The following STX8 variants were observed in gnomAD, a reference collection of about 807,000 sequenced individuals.
STX8 encodes the protein syntaxin 8.
A neutral mutation model predicts 37.5 loss-of-function variants in STX8; 23 were observed. The ratio of observed to expected loss-of-function variants is 0.61; its 90% CI spans 0.44 to 0.87. STX8 has a LOEUF of 0.87. Ranked by LOEUF, STX8 falls within the 40% of genes least tolerant of loss-of-function variation. STX8 has a pLI of 0.00. For missense variants in STX8, 313 were observed against 284.7 expected (o/e 1.10, Z -0.71); for synonymous variants, 115 against 99.1 (o/e 1.16, Z -0.95).
rs1567557366 is a variant in STX8 at position 9,430,089 on chromosome 17, CTATATAATATATATATTT to C, written c.542-51454_542-51437del. 3.9e-4 allele frequency among the ~76,000 whole-genome samples: 17 copies of C among 43,164 alleles called. No individual in the cohort carries two copies. In the Admixed American group the frequency reaches 5.4e-3, roughly 14 times the overall value. The allele number at this position is 43,164 out of a possible 152,430, so 28.3% of individuals were successfully genotyped here. A position where few individuals can be genotyped will look rare whatever the true frequency, so the allele number is the denominator to read the frequency against. ...ATATATTCTATATAATATATATATT[CTATATAATATATATATTT>C]TATATATAAATAAATATAAATATAA... On this transcript the variant is annotated intron_variant, in intron 6 of 7. Coordinates refer to ENST00000306357, the MANE Select transcript of STX8 (RefSeq NM_004853.3).
intron 7 of STX8, among the ~76,000 whole-genome samples, chr17:9,328,343 C>T (rs1230011298): frequency 6.6e-6 from 1 of 152,044 alleles, no homozygotes; most frequent in Non-Finnish European, 1.5e-5. Context: ...AAAAGAAGAG[C>T]AGGAGAGGGT....
At chr17:9,454,524 C>G (rs1304308651) in intron 6 of STX8, among the ~76,000 whole-genome samples, 1 of 151,638 alleles carries the variant, frequency 6.6e-6, no homozygotes, top group Admixed American at 6.6e-5. Flanking sequence ...TAAAAAAATA[C>G]AAAAAATTAG....
chr17:9,558,132 G>C (rs926871882), intron 2 of STX8, among the ~76,000 whole-genome samples: 2 of 152,138 alleles, frequency 1.3e-5, no homozygotes, highest in Middle Eastern at 3.2e-3. Context: ...ATTTTTGTCC[G>C]TGACTCTAAC....
intron 6 of STX8, among the ~76,000 whole-genome samples, chr17:9,475,953 G>A (rs189917040): frequency 5.1e-4 from 77 of 152,312 alleles, no homozygotes; most frequent in African/African-American, 1.8e-3. Flanking sequence ...GGTCAAGGTC[G>A]GCGGATCACG....
chr17:9,449,736 T>A (rs1428374528), intron 6 of STX8, among the ~76,000 whole-genome samples: 3 of 152,052 alleles, frequency 2.0e-5, no homozygotes, highest in Non-Finnish European at 4.4e-5. Flanking sequence ...TCTATTTATA[T>A]TCCATTTTGG....
chr17:9,520,211 T>C (rs934395638), intron 4 of STX8, among the ~76,000 whole-genome samples: 4 of 152,204 alleles, frequency 2.6e-5, no homozygotes, highest in East Asian at 1.9e-4. Flanking sequence ...GCATTTAACA[T>C]TTTTATCTTG....
chr17:9,306,632 G>A (rs1909000297), intron 7 of STX8, among the ~76,000 whole-genome samples: 1 of 150,844 alleles, frequency 6.6e-6, no homozygotes, highest in African/African-American at 2.4e-5. Context: ...ATGCGTGGTG[G>A]TGCATGCCTG....
At chr17:9,362,811 AGAGT>A (rs1911103087) in intron 7 of STX8, among the ~76,000 whole-genome samples, 1 of 148,764 alleles carries the variant, frequency 6.7e-6, no homozygotes, top group South Asian at 2.1e-4. Context: ...CCTGGGCGAC[AGAGT>A]GAGACTCCGT....
chr17:9,515,492 T>TTCTCTC (rs142393139), intron 4 of STX8, among the ~76,000 whole-genome samples: 1 of 149,736 alleles, frequency 6.7e-6, no homozygotes, highest in African/African-American at 2.4e-5. Flanking sequence ...TTTGAAGTCT[T>TTCTCTC]TCTCTCTCTC....
At chr17:9,308,379 A>C (rs1395180014) in intron 7 of STX8, among the ~76,000 whole-genome samples, 1 of 152,156 alleles carries the variant, frequency 6.6e-6, no homozygotes, top group East Asian at 1.9e-4. Context: ...TTAGAGGATT[A>C]TTTCTACGTT....
intron 7 of STX8, among the ~76,000 whole-genome samples, chr17:9,268,304 G>A (rs950459756): frequency 1.3e-5 from 2 of 151,858 alleles, no homozygotes; most frequent in African/African-American, 4.8e-5. Context: ...AAAAAAGAGA[G>A]AGAGAGAGAC....
intron 5 of STX8, among the ~76,000 whole-genome samples, chr17:9,493,550 G>A (rs1202401606): frequency 6.6e-6 from 1 of 152,134 alleles, no homozygotes. Flanking sequence ...GCATCCCAGA[G>A]GGCAGATCTC....
At chr17:9,376,956 G>T (rs1567803331) in intron 7 of STX8, among the ~76,000 whole-genome samples, 2 of 152,276 alleles carry the variant, frequency 1.3e-5, no homozygotes, top group Admixed American at 6.5e-5. Context: ...GGAGAAGATT[G>T]ATAAAGCAAA....
At position 9,378,539 on chromosome 17, in the gene STX8, A is replaced by G. The variant is rs767004074; in HGVS notation, c.643+13T>C. The G allele has an allele frequency of 1.4e-5, 22 of 1,606,040 alleles. No homozygotes were observed. The highest frequency in any genetic ancestry group is 1.9e-5 in the Non-Finnish European group (22 of 1,172,890). The stretch of plus-strand genomic sequence containing the variant: ...TATGACAGAAACAGAGCCATAACGT[A>G]GCTATCTCTTACCACAAGAGGCTGA... On this transcript the variant is annotated intron_variant, in intron 7 of 7. Transcript: ENST00000306357.
chr17:9,502,883 G>A (rs1230934460), intron 5 of STX8, among the ~76,000 whole-genome samples: 4 of 151,864 alleles, frequency 2.6e-5, no homozygotes, highest in Non-Finnish European at 4.4e-5. Context: ...CGAGTGGATC[G>A]CTTGAGGTCA....
At chr17:9,352,449 C>T (rs1193289020) in intron 7 of STX8, among the ~76,000 whole-genome samples, 2 of 146,914 alleles carry the variant, frequency 1.4e-5, no homozygotes, top group African/African-American at 5.0e-5. Context: ...AAGAGCCTCT[C>T]CCCATCCTTA....
Position 9,384,367 on chromosome 17 carries a change from G to A in STX8, c.542-5714C>T, listed in dbSNP as rs542121700. On this transcript the variant is annotated intron_variant, in intron 6 of 7. Coordinates refer to ENST00000306357, the MANE Select transcript of STX8 (RefSeq NM_004853.3). ...TAACAAAGAAAAACAGGCTGGATGC[G>A]GTGGCTCACGCCTGTAATCCCAGCA... Among the ~76,000 whole-genome samples the A allele has an allele frequency of 4.6e-5, 7 of 152,224 alleles. No homozygotes were observed. In the South Asian group the frequency reaches 6.2e-4, roughly 14 times the overall value.
At chr17:9,330,523 G>A (rs911232950) in intron 7 of STX8, among the ~76,000 whole-genome samples, 4 of 152,194 alleles carry the variant, frequency 2.6e-5, no homozygotes, top group African/African-American at 9.7e-5. Context: ...TGGGGAACAA[G>A]ATACACACTC....
intron 4 of STX8, among the ~76,000 whole-genome samples, chr17:9,535,920 C>T (rs554363312): frequency 2.6e-5 from 4 of 152,256 alleles, no homozygotes; most frequent in South Asian, 4.2e-4. Flanking sequence ...CAAAACCTTA[C>T]GTCACGATTG....
Sources: allele counts gnomAD v4.1 joint callset (sites outside exome capture counted in the v4.1 genomes callset), GRCh38; gene constraint gnomAD v4.1.1; transcripts MANE v1.5; gene names NCBI Gene and HGNC (gene_info 2026-07-23, HGNC 2026-07-21).